CHN2: variants seen among roughly 807,000 people sequenced by gnomAD.
CHN2 encodes beta-chimaerin.
A neutral mutation model predicts 56.3 loss-of-function variants in CHN2; 35 were observed. That is an observed-to-expected ratio of 0.62 (90% CI 0.47 to 0.82). The LOEUF (loss-of-function observed/expected upper bound fraction) is 0.82. Ranked by LOEUF, CHN2 falls within the 40% of genes least tolerant of loss-of-function variation. CHN2 has a pLI of 0.00. For missense variants in CHN2, 491 were observed against 580.5 expected, an observed-to-expected ratio of 0.85 and a Z score of 1.58; for synonymous variants, 210 against 212.8, an observed-to-expected ratio of 0.99 and a Z score of 0.12.
intron 1 of CHN2, among the ~76,000 whole-genome samples, chr7:29,267,717 G>T (rs1043119237): frequency 2.6e-5 from 4 of 152,146 alleles, no homozygotes; most frequent in African/African-American, 9.7e-5. Context: ...GTGGGAATCT[G>T]TTATTTGCTG....
At chr7:29,187,157 G>A (rs1439029092) in intron 2 of CHN2, among the ~76,000 whole-genome samples, 1 of 152,160 alleles carries the variant, frequency 6.6e-6, no homozygotes, top group African/African-American at 2.4e-5. Context: ...AGTAGTAGTG[G>A]TCATCAAATG....
chr7:29,158,626 T>G (rs1412564267), intron 2 of CHN2, among the ~76,000 whole-genome samples: 1 of 151,950 alleles, frequency 6.6e-6, no homozygotes, highest in African/African-American at 2.4e-5. Context: ...ACTGTATGCC[T>G]GAATAGGTGA....
chr7:29,393,299 A>G (rs1801497708), intron 3 of CHN2, among the ~76,000 whole-genome samples: 1 of 152,258 alleles, frequency 6.6e-6, no homozygotes, highest in Non-Finnish European at 1.5e-5. Flanking sequence ...CATAATAAAA[A>G]CAATTAGGCA....
At chr7:29,324,102 G>A (rs1795606923) in intron 1 of CHN2, among the ~76,000 whole-genome samples, 2 of 151,984 alleles carry the variant, frequency 1.3e-5, no homozygotes, top group African/African-American at 2.4e-5. Context: ...TGGGGGGCGG[G>A]CACAGGAGTG....
At chr7:29,269,203 C>CT (rs1790414036) in intron 1 of CHN2, among the ~76,000 whole-genome samples, 1 of 152,156 alleles carries the variant, frequency 6.6e-6, no homozygotes, top group Non-Finnish European at 1.5e-5. Flanking sequence ...ATTCCCCTCT[C>CT]CCCACTACTC....
intron 7 of CHN2, among the ~76,000 whole-genome samples, chr7:29,492,442 GTTC>G (rs1788767636): frequency 6.6e-6 from 1 of 151,922 alleles, no homozygotes; most frequent in Non-Finnish European, 1.5e-5. Flanking sequence ...GATCTCAACT[GTTC>G]TTCTCCTTAA....
intron 3 of CHN2, among the ~76,000 whole-genome samples, chr7:29,387,248 G>T (rs1356591203): frequency 6.6e-6 from 1 of 152,100 alleles, no homozygotes; most frequent in Non-Finnish European, 1.5e-5. Context: ...TCTAATCTGT[G>T]AAACAGCCTT....
At chr7:29,472,595 A>C (rs534675389) in intron 6 of CHN2, among the ~76,000 whole-genome samples, 1 of 152,162 alleles carries the variant, frequency 6.6e-6, no homozygotes, top group African/African-American at 2.4e-5. Context: ...AAGGGAAAAA[A>C]AAAGAGCATG....
At chr7:29,210,854 T>C (rs892220816) in intron 1 of CHN2, among the ~76,000 whole-genome samples, 1 of 151,636 alleles carries the variant, frequency 6.6e-6, no homozygotes, top group African/African-American at 2.4e-5. Flanking sequence ...AGCTGCAGAG[T>C]CCCAATGCGA....
chr7:29,381,679 G>A (rs1404536388), intron 3 of CHN2, among the ~76,000 whole-genome samples: 2 of 152,022 alleles, frequency 1.3e-5, no homozygotes, highest in African/African-American at 4.8e-5. Context: ...CTGGGTGTGA[G>A]TCAGAATCAC....
At chr7:29,379,251 T>C (rs1377576618) in intron 3 of CHN2, among the ~76,000 whole-genome samples, 1 of 152,192 alleles carries the variant, frequency 6.6e-6, no homozygotes, top group Non-Finnish European at 1.5e-5. Flanking sequence ...TGATGGTCAC[T>C]TTCTCCACTT....
At chr7:29,408,800 A>T (rs1157815775) in intron 6 of CHN2, among the ~76,000 whole-genome samples, 1 of 152,222 alleles carries the variant, frequency 6.6e-6, no homozygotes, top group Non-Finnish European at 1.5e-5. Flanking sequence ...GAGGAACGGA[A>T]GAGGAAAGTC....
intron 3 of CHN2, among the ~76,000 whole-genome samples, chr7:29,368,638 A>C (rs1290191516): frequency 6.6e-6 from 1 of 152,162 alleles, no homozygotes; most frequent in African/African-American, 2.4e-5. Context: ...ATGGGATTAA[A>C]TATAGAGCCA....
At chr7:29,459,375 C>G (rs1391207600) in intron 6 of CHN2, among the ~76,000 whole-genome samples, 1 of 152,142 alleles carries the variant, frequency 6.6e-6, no homozygotes, top group African/African-American at 2.4e-5. Context: ...TTGGAATTTT[C>G]CTTTTACTGT....
chr7:29,150,357 C>T (rs1793421129), intron 2 of CHN2, among the ~76,000 whole-genome samples: 1 of 152,122 alleles, frequency 6.6e-6, no homozygotes, highest in African/African-American at 2.4e-5. Flanking sequence ...TATAAAGGCT[C>T]AAAAAATGGC....
intron 7 of CHN2, among the ~76,000 whole-genome samples, chr7:29,487,593 T>C (rs1041954253): frequency 2.6e-5 from 4 of 152,098 alleles, no homozygotes; most frequent in African/African-American, 9.7e-5. Flanking sequence ...CAGGGACGGG[T>C]GGAAACAGGA....
At chr7:29,300,040 C>CACG (rs1490496596) in intron 1 of CHN2, among the ~76,000 whole-genome samples, 1 of 152,170 alleles carries the variant, frequency 6.6e-6, no homozygotes, top group Non-Finnish European at 1.5e-5. Context: ...AAGATGGGAG[C>CACG]ACGGACTGGA....
intron 1 of CHN2, among the ~76,000 whole-genome samples, chr7:29,249,935 A>G (rs185511077): frequency 6.6e-6 from 1 of 152,266 alleles, no homozygotes; most frequent in Non-Finnish European, 1.5e-5. Context: ...TTGTAAAACC[A>G]TATGTAAGAA....
chr7:29,473,547 G>A (rs968951979), intron 6 of CHN2, among the ~76,000 whole-genome samples: 3 of 146,004 alleles, frequency 2.1e-5, no homozygotes, highest in Non-Finnish European at 4.5e-5. Flanking sequence ...AGGTTCAGTG[G>A]AAAGATAAAA....
Sources: allele counts gnomAD v4.1 joint callset (sites outside exome capture counted in the v4.1 genomes callset), GRCh38; gene constraint gnomAD v4.1.1; transcripts MANE v1.5; gene names NCBI Gene and HGNC (gene_info 2026-07-23, HGNC 2026-07-21).